CCDC30: variants seen among roughly 807,000 people sequenced by gnomAD.
CCDC30 encodes the protein coiled-coil domain containing 30.
In CCDC30, 70 loss-of-function variants were observed where a neutral mutation model predicts 100.2. The observed-to-expected ratio is 0.70, with a 90% CI of 0.58 to 0.85. The LOEUF (loss-of-function observed/expected upper bound fraction) is 0.85, where lower values mean the gene tolerates loss of function less well. Ranked by LOEUF, CCDC30 falls within the 40% of genes least tolerant of loss-of-function variation. CCDC30 has a pLI of 0.00. For synonymous variants in CCDC30, 233 were observed against 269.5 expected (o/e 0.86, Z 1.33); for missense variants, 652 against 771.2 (o/e 0.85, Z 1.83).
chr1:42,656,221 A>G (rs2148704810), downstream of CCDC30, among the ~76,000 whole-genome samples: 1 of 152,266 alleles, frequency 6.6e-6, no homozygotes, highest in East Asian at 1.9e-4. Flanking sequence ...GTCTTTGTGC[A>G]TGTAGTTCTT....
intron 11 of CCDC30, among the ~76,000 whole-genome samples, chr1:42,635,807 CAA>C (rs199893593): frequency 4.7e-4 from 48 of 101,746 alleles, no homozygotes; most frequent in Admixed American, 7.7e-4. Flanking sequence ...GACTCCATCT[CAA>C]AAAAAAAAAA....
intron 6 of CCDC30, among the ~76,000 whole-genome samples, chr1:42,538,847 C>T (rs1038599457): frequency 6.6e-6 from 1 of 152,150 alleles, no homozygotes; most frequent in Non-Finnish European, 1.5e-5. Context: ...GATAATATAA[C>T]TATTGATAGT....
intron 9 of CCDC30, among the ~76,000 whole-genome samples, chr1:42,581,757 T>A (rs1645972065): frequency 6.6e-6 from 1 of 152,172 alleles, no homozygotes; most frequent in Non-Finnish European, 1.5e-5. Context: ...TTCTTCTGGT[T>A]CTGGGGCACA....
intron 8 of CCDC30, 24 bp from the exon 13 acceptor site, chr1:42,581,336 C>T: frequency 5.1e-6 from 8 of 1,580,280 alleles, no homozygotes; most frequent in Non-Finnish European, 4.3e-6. Flanking sequence ...TAATGCTTTA[C>T]TTGTAAATGT....
intron 6 of CCDC30, among the ~76,000 whole-genome samples, chr1:42,539,958 AG>A (rs1300927658): frequency 6.6e-5 from 10 of 151,360 alleles, no homozygotes; most frequent in African/African-American, 2.4e-4. Flanking sequence ...GCCAGGGCAA[AG>A]GATTCCCATC....
At chr1:42,516,870 A>C (rs1644563006) in intron 6 of CCDC30, among the ~76,000 whole-genome samples, 1 of 152,194 alleles carries the variant, frequency 6.6e-6, no homozygotes, top group Admixed American at 6.5e-5. Context: ...GTGATTATTA[A>C]TGTTAGCATC....
intron 6 of CCDC30, among the ~76,000 whole-genome samples, chr1:42,557,573 G>C (rs1000483063): frequency 1.4e-5 from 2 of 147,672 alleles, no homozygotes; most frequent in Non-Finnish European, 1.5e-5. Context: ...AAGTTCATTT[G>C]TACTTAATGT....
chr1:42,610,403 G>A (rs1447589441), intron 10 of CCDC30, among the ~76,000 whole-genome samples: 1 of 140,580 alleles, frequency 7.1e-6, no homozygotes, highest in African/African-American at 2.5e-5. Context: ...CTTTAAGCTG[G>A]GAGATTTTTT....
downstream of CCDC30, among the ~76,000 whole-genome samples, chr1:42,655,906 C>T (rs1189407430): frequency 8.1e-6 from 1 of 123,772 alleles, no homozygotes; most frequent in Non-Finnish European, 1.6e-5. Flanking sequence ...CAGGGTCTCA[C>T]TTTGTAACCC....
intron 9 of CCDC30, 44 bp downstream of exon 13, chr1:42,581,558 A>C: frequency 6.4e-7 from 1 of 1,564,436 alleles, no homozygotes; most frequent in Non-Finnish European, 8.7e-7. Context: ...TTTAGCCATG[A>C]CTGAGTTAAT....
chr1:42,633,734 A>G (rs1270936949), intron 11 of CCDC30, among the ~76,000 whole-genome samples: 1 of 152,080 alleles, frequency 6.6e-6, no homozygotes, highest in Non-Finnish European at 1.5e-5. Context: ...ACATAGCGAG[A>G]CCTTGCGTCT....
chr1:42,534,188 A>G (rs920787790), intron 6 of CCDC30, among the ~76,000 whole-genome samples: 5 of 152,014 alleles, frequency 3.3e-5, no homozygotes, highest in Non-Finnish European at 5.9e-5. Context: ...GAAATACATG[A>G]CATTCTTACT....
intron 15 of CCDC30, among the ~76,000 whole-genome samples, chr1:42,651,637 A>G (rs370883944): frequency 2.0e-5 from 3 of 152,242 alleles, no homozygotes; most frequent in Admixed American, 6.5e-5. Flanking sequence ...GCTGAGGTGG[A>G]AAGATTGCTT....
chr1:42,516,510 T>C (rs577838916), intron 6 of CCDC30, among the ~76,000 whole-genome samples: 2 of 144,190 alleles, frequency 1.4e-5, no homozygotes, highest in East Asian at 4.0e-4. Context: ...GAGGTTGCAG[T>C]GAGCTGGGAT....
chr1:42,560,363 T>G (rs1445655798), intron 6 of CCDC30, among the ~76,000 whole-genome samples: 1 of 151,818 alleles, frequency 6.6e-6, no homozygotes, highest in African/African-American at 2.4e-5. Flanking sequence ...CTGTTTTTAT[T>G]GTTGTTGTTG....
chr1:42,462,127 G>A (rs1049782314), upstream of CCDC30, among the ~76,000 whole-genome samples: 2 of 151,938 alleles, frequency 1.3e-5, no homozygotes, highest in African/African-American at 4.8e-5. Flanking sequence ...AAAACAATCA[G>A]TGTTCTACAT....
intron 3 of CCDC30, among the ~76,000 whole-genome samples, chr1:42,488,953 C>A (rs1490435812): frequency 6.6e-6 from 1 of 152,150 alleles, no homozygotes; most frequent in African/African-American, 2.4e-5. Context: ...GCACTACAGA[C>A]CAGGCAGTAT....
chr1:42,560,783 G>T (rs1645471400), intron 6 of CCDC30, among the ~76,000 whole-genome samples: 1 of 152,180 alleles, frequency 6.6e-6, no homozygotes, highest in Non-Finnish European at 1.5e-5. Flanking sequence ...TATCACCATT[G>T]ACTCTGCAGA....
chr1:42,486,783 G>T (rs1158125664), intron 3 of CCDC30, among the ~76,000 whole-genome samples: 1 of 152,098 alleles, frequency 6.6e-6, no homozygotes, highest in Non-Finnish European at 1.5e-5. Context: ...CAAACCTGGG[G>T]GTGACCTTGG....
Sources: gnomAD v4.1 joint callset for allele counts (sites outside exome capture counted in the v4.1 genomes callset) on GRCh38, gnomAD v4.1.1 for gene constraint, MANE v1.5 for transcripts, NCBI Gene and HGNC (gene_info 2026-07-23, HGNC 2026-07-21) for gene names.